CEP128: variants seen among roughly 807,000 people sequenced by gnomAD.
CEP128 encodes the protein centrosomal protein 128.
Under a neutral mutation model 156.7 loss-of-function variants are expected in CEP128, and 132 were observed. The ratio of observed to expected loss-of-function variants is 0.84; its 90% CI spans 0.73 to 0.97. The LOEUF (loss-of-function observed/expected upper bound fraction) is 0.97. Ranked by LOEUF, CEP128 falls within the 50% of genes least tolerant of loss-of-function variation. The pLI is 0.00. For synonymous variants in CEP128, 469 were observed against 448.9 expected (o/e 1.04, Z -0.57); for missense variants, 1,252 against 1,281.9 (o/e 0.98, Z 0.36).
intron 8 of CEP128, among the ~76,000 whole-genome samples, chr14:80,891,585 C>G (rs1019733216): frequency 1.0e-5 from 1 of 97,128 alleles, no homozygotes; most frequent in Admixed American, 1.0e-4. Flanking sequence ...TTACTAGGTG[C>G]AAAAAAAAAA....
chr14:80,887,353 T>A (rs531355431), intron 8 of CEP128, among the ~76,000 whole-genome samples: 1 of 152,304 alleles, frequency 6.6e-6, no homozygotes, highest in South Asian at 2.1e-4. Flanking sequence ...TAGCACTTAT[T>A]ATAAAATTGA....
At chr14:80,676,445 T>C (rs1896063499) in intron 19 of CEP128, among the ~76,000 whole-genome samples, 1 of 92,020 alleles carries the variant, frequency 1.1e-5, no homozygotes, top group Non-Finnish European at 2.3e-5. Context: ...TAATTTGTGA[T>C]TTTTTTTAAA....
At chr14:80,863,322 G>A (rs1441724511) in intron 8 of CEP128, among the ~76,000 whole-genome samples, 1 of 152,096 alleles carries the variant, frequency 6.6e-6, no homozygotes, top group African/African-American at 2.4e-5. Flanking sequence ...AGGTATTGAT[G>A]TTTATTTGTA....
At chr14:80,805,326 C>T (rs934944277) in intron 13 of CEP128, among the ~76,000 whole-genome samples, 2 of 152,040 alleles carry the variant, frequency 1.3e-5, no homozygotes. Context: ...ATACTGTATG[C>T]TACTAGTCAT....
intron 15 of CEP128, among the ~76,000 whole-genome samples, chr14:80,781,782 T>C (rs1018152153): frequency 6.6e-6 from 1 of 152,214 alleles, no homozygotes; most frequent in African/African-American, 2.4e-5. Flanking sequence ...AATGTATCCA[T>C]GAGCAAATGC....
downstream of CEP128, among the ~76,000 whole-genome samples, chr14:80,490,038 A>C (rs1177574863): frequency 6.6e-6 from 1 of 152,138 alleles, no homozygotes; most frequent in Non-Finnish European, 1.5e-5. Flanking sequence ...GTAGGTTTTC[A>C]TTTAGTCCAT....
intron 23 of CEP128, among the ~76,000 whole-genome samples, chr14:80,514,507 ACT>A (rs1163176691): frequency 1.3e-5 from 2 of 151,566 alleles, no homozygotes; most frequent in Admixed American, 6.6e-5. Context: ...CTTTTGAGTC[ACT>A]CTGATGCATT....
chr14:80,756,242 A>G (rs1209695745), intron 18 of CEP128, among the ~76,000 whole-genome samples: 4 of 152,204 alleles, frequency 2.6e-5, no homozygotes, highest in Non-Finnish European at 5.9e-5. Context: ...AAAAATGGCT[A>G]GAAATGCACA....
At chr14:80,959,434 A>G (rs1352129359) in exon 1 of CEP128, 2 of 152,258 alleles carry the variant, frequency 1.3e-5, no homozygotes, top group African/African-American at 4.8e-5. Context: ...TCTCTTACTC[A>G]GAAAGTTGCC....
intron 16 of CEP128, among the ~76,000 whole-genome samples, chr14:80,776,405 A>G (rs1406937360): frequency 6.6e-6 from 1 of 151,390 alleles, no homozygotes; most frequent in Non-Finnish European, 1.5e-5. Flanking sequence ...ATTTAGCAAC[A>G]TAAGCACATT....
At chr14:80,880,977 AAAAG>A (rs1449018498) in intron 8 of CEP128, among the ~76,000 whole-genome samples, 3 of 149,754 alleles carry the variant, frequency 2.0e-5, no homozygotes, top group East Asian at 3.9e-4. Context: ...ATGTAACTGA[AAAAG>A]AAATCAGGAA....
At chr14:80,730,387 T>C (rs1898218974) in intron 19 of CEP128, among the ~76,000 whole-genome samples, 1 of 152,182 alleles carries the variant, frequency 6.6e-6, no homozygotes, top group Non-Finnish European at 1.5e-5. Context: ...TAACTTATAT[T>C]GGGTCATTCT....
At chr14:80,713,702 T>G (rs1345872183) in intron 19 of CEP128, among the ~76,000 whole-genome samples, 1 of 152,236 alleles carries the variant, frequency 6.6e-6, no homozygotes, top group Non-Finnish European at 1.5e-5. Context: ...TTGTTGTGTA[T>G]CCACTTAAAG....
chr14:80,645,527 C>T (rs559421605), intron 19 of CEP128, among the ~76,000 whole-genome samples: 3 of 151,840 alleles, frequency 2.0e-5, no homozygotes, highest in South Asian at 2.1e-4. Flanking sequence ...GAATAGGATA[C>T]GTAAAATGGA....
chr14:80,885,914 C>T (rs1888774982), intron 8 of CEP128, among the ~76,000 whole-genome samples: 1 of 151,938 alleles, frequency 6.6e-6, no homozygotes, highest in Non-Finnish European at 1.5e-5. Flanking sequence ...ACTAGAATAA[C>T]CAGTTTAGAG....
intron 8 of CEP128, among the ~76,000 whole-genome samples, chr14:80,874,926 C>A (rs1414613211): frequency 6.6e-6 from 1 of 152,174 alleles, no homozygotes; most frequent in Admixed American, 6.5e-5. Context: ...CCAAATATAA[C>A]TGTTTTTTAA....
intron 13 of CEP128, among the ~76,000 whole-genome samples, chr14:80,805,331 A>G (rs1884114752): frequency 6.6e-6 from 1 of 152,134 alleles, no homozygotes; most frequent in Non-Finnish European, 1.5e-5. Context: ...GTATGCTACT[A>G]GTCATACAGA....
At chr14:80,702,768 A>G (rs570789490) in intron 19 of CEP128, among the ~76,000 whole-genome samples, 8 of 152,264 alleles carry the variant, frequency 5.3e-5, no homozygotes, top group Middle Eastern at 3.4e-3. Context: ...TGTGTTTCCA[A>G]TGGTTGCTTG....
chr14:80,789,103 G>A (rs931410014), intron 14 of CEP128, among the ~76,000 whole-genome samples: 12 of 152,036 alleles, frequency 7.9e-5, no homozygotes, highest in African/African-American at 1.7e-4. Flanking sequence ...GTGGAAAGTC[G>A]GGTTGACTCC....
Sources: allele counts gnomAD v4.1 joint callset (sites outside exome capture counted in the v4.1 genomes callset), GRCh38; gene constraint gnomAD v4.1.1; transcripts MANE v1.5; gene names NCBI Gene and HGNC (gene_info 2026-07-23, HGNC 2026-07-21).